NAA11: variants seen among roughly 807,000 people sequenced by gnomAD.
NAA11 encodes N-alpha-acetyltransferase 11.
In NAA11, 15 loss-of-function variants were observed where a neutral mutation model predicts 16.1. That is an observed-to-expected ratio of 0.93 (90% CI 0.62 to 1.44). NAA11 has a LOEUF of 1.44. NAA11 is among the 40% of genes most tolerant of loss of function. The pLI, the probability that NAA11 is intolerant of heterozygous loss-of-function variation, is 0.00. For missense variants in NAA11, 298 were observed against 291.3 expected, an observed-to-expected ratio of 1.02 and a Z score of -0.17; for synonymous variants, 122 against 112.4, an observed-to-expected ratio of 1.09 and a Z score of -0.54.
chr4:79,277,769 A>C (rs563627367), intron 2 of NAA11, among the ~76,000 whole-genome samples: 21 of 152,134 alleles, frequency 1.4e-4, no homozygotes, highest in Admixed American at 1.3e-3. Flanking sequence ...TAGCCTGTGC[A>C]GTCTAACCCT....
At chr4:79,291,277 C>T (rs1299177668) in intron 2 of NAA11, among the ~76,000 whole-genome samples, 1 of 149,206 alleles carries the variant, frequency 6.7e-6, no homozygotes, top group Non-Finnish European at 1.5e-5. Context: ...GCCTGGGCAA[C>T]ATATTGAGAT....
At chr4:79,298,660 C>A (rs902346054) in intron 1 of NAA11, among the ~76,000 whole-genome samples, 1 of 152,236 alleles carries the variant, frequency 6.6e-6, no homozygotes, top group African/African-American at 2.4e-5. Flanking sequence ...ACACACCCCT[C>A]ACTGTTCCAT....
At chr4:79,240,867 G>A (rs10032363) in intron 2 of NAA11, among the ~76,000 whole-genome samples, 126,452 of 152,060 alleles carry the variant, frequency 0.83, 53,775 homozygotes, top group Non-Finnish European at 0.92. Context: ...AGTCAGCAGA[G>A]AAGTATAGCA....
intron 1 of NAA11, among the ~76,000 whole-genome samples, chr4:79,307,415 C>G (rs1037393266): frequency 2.0e-5 from 3 of 152,094 alleles, no homozygotes; most frequent in African/African-American, 4.8e-5. Context: ...TTATGTGTAA[C>G]AAGTTCTGCA....
chr4:79,237,824 C>T (rs1721604009), intron 2 of NAA11, among the ~76,000 whole-genome samples: 1 of 152,136 alleles, frequency 6.6e-6, no homozygotes, highest in Admixed American at 6.5e-5. Context: ...AAAATATGTA[C>T]AGTTTATGTG....
intron 2 of NAA11, among the ~76,000 whole-genome samples, chr4:79,253,604 G>A (rs1722041492): frequency 6.6e-6 from 1 of 152,158 alleles, no homozygotes; most frequent in Admixed American, 6.5e-5. Flanking sequence ...CAAGAAGGGT[G>A]TCATTAGTGA....
downstream of NAA11, among the ~76,000 whole-genome samples, chr4:79,311,914 A>T (rs113383805): frequency 3.3e-3 from 510 of 152,332 alleles, 2 homozygotes; most frequent in African/African-American, 0.011. Flanking sequence ...TTTTTAAGGA[A>T]CTCAAATTCT....
At chr4:79,291,200 G>T (rs1042376421) in intron 2 of NAA11, among the ~76,000 whole-genome samples, 1 of 152,090 alleles carries the variant, frequency 6.6e-6, no homozygotes, top group East Asian at 1.9e-4. Flanking sequence ...AGTGGTTTAC[G>T]CCTATAATCC....
chr4:79,179,647 T>C, the NAA11 span, among the ~76,000 whole-genome samples: 1 of 152,126 alleles, frequency 6.6e-6, no homozygotes, highest in Admixed American at 6.6e-5. Context: ...CATGATGAAA[T>C]AATGCTTCCC....
the NAA11 span, among the ~76,000 whole-genome samples, chr4:79,194,032 T>C: frequency 5.1e-4 from 77 of 152,178 alleles, no homozygotes; most frequent in Non-Finnish European, 9.6e-4. Context: ...CTGTCTGTTA[T>C]TGGTGTATAA....
At chr4:79,207,110 T>C in the NAA11 span, among the ~76,000 whole-genome samples, 2 of 151,978 alleles carry the variant, frequency 1.3e-5, no homozygotes, top group Non-Finnish European at 2.9e-5. Flanking sequence ...GAGGAGTCTT[T>C]AGGATTTTTG....
At position 79,230,391 on chromosome 4, in the gene NAA11, T is replaced by A. The variant is rs956585228; in HGVS notation, c.*123-4121A>T. On this transcript the variant is annotated intron_variant and NMD_transcript_variant, in intron 2 of 2. Coordinates refer to the NAA11 transcript ENST00000511542. ...TATACATATGTAACTAACCTGCACA[T>A]TGTGCACATGTACCCTAAAACTTAA... 7.2e-5 allele frequency among the ~76,000 whole-genome samples: 11 copies of A among 151,964 alleles called. No homozygotes were observed. The East Asian group carries it at 2.1e-3, about 29-fold the overall frequency.
At chr4:79,278,545 AAAT>A (rs1722718387) in intron 2 of NAA11, among the ~76,000 whole-genome samples, 1 of 152,022 alleles carries the variant, frequency 6.6e-6, no homozygotes, top group Non-Finnish European at 1.5e-5. Flanking sequence ...AAAAACTCCT[AAAT>A]AATCCTATGG....
Position 79,240,989 on chromosome 4 carries a change from G to T in NAA11, c.*123-14719C>A, listed in dbSNP as rs182734033. Among the ~76,000 whole-genome samples, 581 of 152,286 alleles carry T rather than the reference G, an allele frequency of 3.8e-3. 2 individuals are homozygous for T. The highest frequency in any genetic ancestry group is 0.013 in the African/African-American group (551 of 41,556). Reference sequence around the variant, plus strand: ...GAATCGTCAACCAGCTGAGATTCTGGCTAAGGGCAAAGCAAATACGATATG... The same window carrying T: ...GAATCGTCAACCAGCTGAGATTCTGTCTAAGGGCAAAGCAAATACGATATG... On this transcript the variant is annotated intron_variant and NMD_transcript_variant, in intron 2 of 2. Transcript: ENST00000511542.
At chr4:79,291,471 AAAT>A (rs1025360858) in intron 2 of NAA11, among the ~76,000 whole-genome samples, 2 of 152,106 alleles carry the variant, frequency 1.3e-5, no homozygotes, top group Non-Finnish European at 2.9e-5. Flanking sequence ...TCAAAATTAA[AAAT>A]AAAAAAGAAT....
At chr4:79,287,724 G>T (rs1722975096) in intron 2 of NAA11, among the ~76,000 whole-genome samples, 1 of 151,740 alleles carries the variant, frequency 6.6e-6, no homozygotes, top group South Asian at 2.1e-4. Context: ...AGCACCCCTG[G>T]AATTCAGGAT....
At chr4:79,275,890 A>G (rs1722636619) in intron 2 of NAA11, among the ~76,000 whole-genome samples, 1 of 152,164 alleles carries the variant, frequency 6.6e-6, no homozygotes. Flanking sequence ...TTGGATACCA[A>G]CAAATGCTTG....
At chr4:79,253,753 A>C (rs1246359545) in intron 2 of NAA11, among the ~76,000 whole-genome samples, 1 of 152,174 alleles carries the variant, frequency 6.6e-6, no homozygotes, top group Non-Finnish European at 1.5e-5. Context: ...TCTCTAGTGA[A>C]AGTTTTATTA....
chr4:79,263,928 T>C (rs1722290224), intron 2 of NAA11, among the ~76,000 whole-genome samples: 1 of 152,166 alleles, frequency 6.6e-6, no homozygotes, highest in Non-Finnish European at 1.5e-5. Context: ...TCTGAGCCCA[T>C]ATACTCTGCC....
Sources: gnomAD v4.1 joint callset for allele counts (sites outside exome capture counted in the v4.1 genomes callset) on GRCh38, gnomAD v4.1.1 for gene constraint, MANE v1.5 for transcripts, NCBI Gene and HGNC (gene_info 2026-07-23, HGNC 2026-07-21) for gene names.